RSRC1: variants seen among roughly 807,000 people sequenced by gnomAD.
The protein encoded by RSRC1 is serine/Arginine-related protein 53.
A neutral mutation model predicts 49.1 loss-of-function variants in RSRC1; 39 were observed. The observed-to-expected ratio is 0.79, with a 90% CI of 0.61 to 1.04. The LOEUF is 1.04. Ranked by LOEUF, RSRC1 falls within the 50% of genes least tolerant of loss-of-function variation. The probability of loss-of-function intolerance (pLI) is 0.00; values close to 1 mark genes in which losing one functional copy is unlikely to be tolerated. For synonymous variants in RSRC1, 143 were observed against 130.8 expected (o/e 1.09, Z -0.63); for missense variants, 388 against 402.4 (o/e 0.96, Z 0.31).
chr3:158,171,770 A>G (rs1200525290), intron 3 of RSRC1, among the ~76,000 whole-genome samples: 1 of 151,916 alleles, frequency 6.6e-6, no homozygotes, highest in Non-Finnish European at 1.5e-5. Flanking sequence ...AACCAAATAG[A>G]CAGATCCTGT....
At chr3:158,449,692 G>A (rs1367955681) in intron 6 of RSRC1, among the ~76,000 whole-genome samples, 2 of 151,980 alleles carry the variant, frequency 1.3e-5, no homozygotes, top group African/African-American at 4.8e-5. Flanking sequence ...TGTTACATAT[G>A]TATACATGTT....
chr3:158,490,808 A>G (rs1267010285), intron 7 of RSRC1, among the ~76,000 whole-genome samples: 1 of 152,198 alleles, frequency 6.6e-6, no homozygotes, highest in East Asian at 1.9e-4. Flanking sequence ...AATGATCTTG[A>G]TTAGTGTTCA....
At chr3:158,513,840 C>G (rs13089071) in intron 7 of RSRC1, among the ~76,000 whole-genome samples, 121 of 152,282 alleles carry the variant, frequency 7.9e-4, no homozygotes, top group African/African-American at 2.4e-3. Flanking sequence ...TCCTGGTTTA[C>G]TCTTGGGAGA....
At chr3:158,146,975 G>A (rs9858864) in intron 3 of RSRC1, among the ~76,000 whole-genome samples, 1,741 of 151,992 alleles carry the variant, frequency 0.011, 27 homozygotes, top group African/African-American at 0.04. Context: ...TATATACACA[G>A]TACCTAGATT....
At chr3:158,175,022 A>G (rs968158512) in intron 3 of RSRC1, among the ~76,000 whole-genome samples, 2 of 152,082 alleles carry the variant, frequency 1.3e-5, no homozygotes, top group Non-Finnish European at 2.9e-5. Flanking sequence ...TCTGGTGGGC[A>G]TATAGTACTA....
At chr3:158,424,743 G>T (rs1052609788) in intron 6 of RSRC1, among the ~76,000 whole-genome samples, 9 of 152,060 alleles carry the variant, frequency 5.9e-5, no homozygotes, top group South Asian at 2.1e-4. Context: ...ATTGATTATT[G>T]CCACAATTTC....
intron 4 of RSRC1, among the ~76,000 whole-genome samples, chr3:158,281,813 A>G (rs1045584695): frequency 1.4e-4 from 21 of 152,176 alleles, no homozygotes; most frequent in Non-Finnish European, 2.2e-4. Context: ...TTTTGGATGT[A>G]GTGGGAGGTA....
At chr3:158,538,841 C>G (rs1712874672) in intron 8 of RSRC1, among the ~76,000 whole-genome samples, 2 of 151,916 alleles carry the variant, frequency 1.3e-5, no homozygotes, top group South Asian at 4.1e-4. Flanking sequence ...TCAAAATGAT[C>G]AGAAGATCAG....
intron 5 of RSRC1, among the ~76,000 whole-genome samples, chr3:158,341,890 G>A (rs920111402): frequency 6.6e-6 from 1 of 152,192 alleles, no homozygotes; most frequent in South Asian, 2.1e-4. Context: ...TTGCATCAGC[G>A]TAATCTGAAT....
At chr3:158,443,403 C>G (rs921513074) in intron 6 of RSRC1, among the ~76,000 whole-genome samples, 4 of 152,020 alleles carry the variant, frequency 2.6e-5, no homozygotes, top group Non-Finnish European at 5.9e-5. Context: ...GCTGCTTCAC[C>G]TTGCACTTTT....
chr3:158,246,605 G>T (rs975968840), intron 4 of RSRC1, among the ~76,000 whole-genome samples: 2 of 152,158 alleles, frequency 1.3e-5, no homozygotes, highest in Non-Finnish European at 2.9e-5. Context: ...GCATTTGCTT[G>T]TCTGAAGAGG....
At chr3:158,212,299 C>G (rs1332323196) in intron 4 of RSRC1, among the ~76,000 whole-genome samples, 2 of 151,284 alleles carry the variant, frequency 1.3e-5, no homozygotes, top group Non-Finnish European at 3.0e-5. Context: ...TTGTACTACC[C>G]CATTTCTGGT....
chr3:158,265,790 G>A (rs951013774), intron 4 of RSRC1, among the ~76,000 whole-genome samples: 3 of 152,072 alleles, frequency 2.0e-5, no homozygotes, highest in Non-Finnish European at 4.4e-5. Context: ...GCTAAAACCT[G>A]TCTACCTCAA....
rs183595882 is a variant in RSRC1, at chr3:158,426,498, A to G, written c.584-34437A>G. ...ACCGCATGTATTTTAAAAAGATGCCATTTGAGATCAACCAGACTGCCAAAA... is the reference window on the plus strand; with the variant it reads ...ACCGCATGTATTTTAAAAAGATGCCGTTTGAGATCAACCAGACTGCCAAAA... On this transcript the variant is annotated intron_variant, in intron 6 of 9. Transcript: ENST00000611884. 3.3e-5 allele frequency among the ~76,000 whole-genome samples: 5 copies of G among 151,852 alleles called. No homozygotes were observed. In the East Asian group the frequency reaches 9.7e-4, roughly 30 times the overall value.
Position 158,166,132 on chromosome 3 carries a change from A to G in RSRC1, c.321-36940A>G, listed in dbSNP as rs908504471. Among the ~76,000 whole-genome samples, 5 of 152,194 alleles carry G rather than the reference A, an allele frequency of 3.3e-5. No homozygotes were observed. In the East Asian group the frequency reaches 7.7e-4, roughly 23 times the overall value. ...CACAAGGACACATGATAACAGGCAA[A>G]TTGTGTGACGGGGATAAGCTGGGTA... On this transcript the variant is annotated intron_variant, in intron 3 of 9. Coordinates refer to ENST00000611884, the MANE Select transcript of RSRC1 (RefSeq NM_001271838.2).
At chr3:158,318,997 T>TA (rs912266748) in intron 5 of RSRC1, among the ~76,000 whole-genome samples, 6 of 151,334 alleles carry the variant, frequency 4.0e-5, no homozygotes, top group East Asian at 1.9e-4. Context: ...ACCTTGGAAA[T>TA]AAAAAAAAAT....
At chr3:158,301,955 T>G (rs539359672) in intron 5 of RSRC1, among the ~76,000 whole-genome samples, 1 of 149,544 alleles carries the variant, frequency 6.7e-6, no homozygotes, top group African/African-American at 2.5e-5. Context: ...TGGTTTATTA[T>G]CAATCCTTTG....
At position 158,127,863 on chromosome 3, in the gene RSRC1, C is replaced by G. The variant is rs143831006; in HGVS notation, c.320+3872C>G. ...CTTATGGGGAAAGTCCTTCACCAAC[C>G]AGCTTTTTTCAATATATGCCAGCTT... is the stretch of plus-strand genomic sequence containing the variant. On this transcript the variant is annotated intron_variant, in intron 3 of 9. Coordinates refer to ENST00000611884, the MANE Select transcript of RSRC1 (RefSeq NM_001271838.2). Among the ~76,000 whole-genome samples, 840 of 151,094 alleles carry G rather than the reference C, an allele frequency of 5.6e-3. 6 individuals carry two copies. The highest frequency in any genetic ancestry group is 0.045 in the South Asian group (215 of 4,762).
At chr3:158,154,006 A>G (rs906454684) in intron 3 of RSRC1, among the ~76,000 whole-genome samples, 4 of 152,164 alleles carry the variant, frequency 2.6e-5, no homozygotes, top group African/African-American at 9.7e-5. Flanking sequence ...ATTTAAAACA[A>G]CCTGAATCCT....
Sources: gnomAD v4.1 joint callset for allele counts (sites outside exome capture counted in the v4.1 genomes callset) on GRCh38, gnomAD v4.1.1 for gene constraint, MANE v1.5 for transcripts, NCBI Gene and HGNC (gene_info 2026-07-23, HGNC 2026-07-21) for gene names.